The following PDE11A variants were observed in gnomAD, a reference collection of about 807,000 sequenced individuals.
PDE11A encodes phosphodiesterase 11A.
In PDE11A, 100 loss-of-function variants were observed where a neutral mutation model predicts 100.5. That is an observed-to-expected ratio of 1.00 (90% CI 0.85 to 1.18). PDE11A has a LOEUF of 1.18. Among genes scored for constraint, PDE11A ranks in the 50% most tolerant of loss-of-function variants. PDE11A has a pLI of 0.00. For missense variants in PDE11A, 1,141 were observed against 1,152.6 expected (o/e 0.99, Z 0.15); for synonymous variants, 381 against 420.8 (o/e 0.91, Z 1.16).
At chr2:178,054,590 A>G (rs1472507472) in intron 1 of PDE11A, among the ~76,000 whole-genome samples, 1 of 152,222 alleles carries the variant, frequency 6.6e-6, no homozygotes, top group Non-Finnish European at 1.5e-5. Flanking sequence ...AATTTTTACA[A>G]TCTACCCATC....
rs71410764 is a variant in PDE11A at position 177,829,610 on chromosome 2, A to AT, written c.1501-9316dup. On this transcript the variant is annotated intron_variant, in intron 6 of 19. Coordinates refer to ENST00000286063, the MANE Select transcript of PDE11A (RefSeq NM_016953.4). ...AGGCGTGTGCCACCACTCCTGGCTA[A>AT]TTTTTTTTTTTTTTTGTATTTTTAG... 2.6e-3 allele frequency among the ~76,000 whole-genome samples: 369 copies of AT among 141,936 alleles called. 5 individuals are homozygous for AT. Among genetic ancestry groups the AT allele is most frequent in the African/African-American group, 5.2e-3 (196 of 37,756 alleles). 93.1% of individuals were successfully genotyped at this position (141,936 alleles called of 152,430 possible).
chr2:177,900,383 C>G (rs1199286073), intron 3 of PDE11A, among the ~76,000 whole-genome samples: 1 of 152,228 alleles, frequency 6.6e-6, no homozygotes, highest in Non-Finnish European at 1.5e-5. Flanking sequence ...GACTAATTTT[C>G]AACTTCAATA....
At chr2:177,862,851 C>T (rs148953496) in intron 5 of PDE11A, among the ~76,000 whole-genome samples, 351 of 151,892 alleles carry the variant, frequency 2.3e-3, no homozygotes, top group African/African-American at 7.7e-3. Flanking sequence ...TTGTATAAAA[C>T]CATAAAAGAC....
chr2:177,630,376 C>G (rs926456812), intron 19 of PDE11A, among the ~76,000 whole-genome samples: 2 of 152,114 alleles, frequency 1.3e-5, no homozygotes, highest in African/African-American at 4.8e-5. Flanking sequence ...TGGGTTGCCC[C>G]TGGTAGTGGA....
intron 2 of PDE11A, among the ~76,000 whole-genome samples, chr2:177,980,614 T>C (rs1399194960): frequency 1.3e-5 from 2 of 150,818 alleles, no homozygotes; most frequent in Non-Finnish European, 3.0e-5. Flanking sequence ...TATGAAGACA[T>C]TGGTTGGATT....
Position 177,711,883 on chromosome 2 carries a change from G to A in PDE11A, c.2044-5C>T, listed in dbSNP as rs781342511. On this transcript the variant is annotated splice_polypyrimidine_tract_variant and splice_region_variant and intron_variant, in intron 12 of 19. Coordinates refer to ENST00000286063, the MANE Select transcript of PDE11A (RefSeq NM_016953.4). Reference sequence around the variant, plus strand: ...AATGTCTTGAAACCCAGCAGTCTGGGAAGAAGGGGAAAATGGCAACAGTCA... The same window carrying A: ...AATGTCTTGAAACCCAGCAGTCTGGAAAGAAGGGGAAAATGGCAACAGTCA... 2.6e-6 allele frequency: 4 copies of A among 1,535,610 alleles called. No individual in the cohort carries two copies. The highest frequency in any genetic ancestry group is 1.7e-5 in the Admixed American group (1 of 59,918).
intron 1 of PDE11A, among the ~76,000 whole-genome samples, chr2:178,039,434 A>G (rs2086656901): frequency 6.6e-6 from 1 of 152,120 alleles, no homozygotes; most frequent in African/African-American, 2.4e-5. Flanking sequence ...TGGGTACCAG[A>G]CTTAATACCT....
chr2:177,812,331 T>C (rs534854182), intron 9 of PDE11A, among the ~76,000 whole-genome samples: 1 of 152,202 alleles, frequency 6.6e-6, no homozygotes, highest in South Asian at 2.1e-4. Flanking sequence ...ACTAAACTGA[T>C]CAGGCTAATA....
intron 18 of PDE11A, among the ~76,000 whole-genome samples, chr2:177,666,236 C>T (rs2080579288): frequency 6.6e-6 from 1 of 152,212 alleles, no homozygotes; most frequent in Admixed American, 6.5e-5. Context: ...ATGTAGCATG[C>T]ATCAGCACTT....
chr2:178,038,875 C>T (rs1208586396), intron 1 of PDE11A: 3 of 152,178 alleles, frequency 2.0e-5, no homozygotes, highest in Non-Finnish European at 4.4e-5. Flanking sequence ...ACAAGAAGAA[C>T]ACTGAATAAC....
intron 4 of PDE11A, among the ~76,000 whole-genome samples, chr2:177,893,804 A>T (rs1265973462): frequency 6.6e-6 from 1 of 152,222 alleles, no homozygotes; most frequent in East Asian, 1.9e-4. Flanking sequence ...GGTCATAAGT[A>T]ATATGGAAAA....
intron 6 of PDE11A, among the ~76,000 whole-genome samples, chr2:177,837,556 C>T (rs951399247): frequency 4.0e-5 from 6 of 151,692 alleles, no homozygotes; most frequent in Admixed American, 3.3e-4. Flanking sequence ...TCACTGCAAG[C>T]TCTGCTTCCC....
intron 1 of PDE11A, among the ~76,000 whole-genome samples, chr2:178,056,211 C>G (rs1397827122): frequency 6.6e-6 from 1 of 152,088 alleles, no homozygotes; most frequent in East Asian, 1.9e-4. Flanking sequence ...TGTCCCACAT[C>G]CTTCCTGGTG....
chr2:177,857,119 T>C (rs905541314), intron 5 of PDE11A, among the ~76,000 whole-genome samples: 1 of 151,858 alleles, frequency 6.6e-6, no homozygotes, highest in African/African-American at 2.4e-5. Flanking sequence ...GATCAGAAAC[T>C]ATAAGGCTAG....
intron 1 of PDE11A, among the ~76,000 whole-genome samples, chr2:178,056,705 T>TA (rs1312539373): frequency 2.0e-5 from 3 of 152,130 alleles, no homozygotes; most frequent in Admixed American, 6.5e-5. Context: ...CACATGGAAG[T>TA]AAAAAAATAA....
chr2:177,875,125 G>T (rs1286204917), intron 5 of PDE11A, among the ~76,000 whole-genome samples: 1 of 151,990 alleles, frequency 6.6e-6, no homozygotes, highest in Non-Finnish European at 1.5e-5. Context: ...TCAGGTGGCT[G>T]AGGCAGGAGA....
chr2:177,929,966 C>G (rs2085183972), intron 2 of PDE11A, among the ~76,000 whole-genome samples: 1 of 152,180 alleles, frequency 6.6e-6, no homozygotes, highest in South Asian at 2.1e-4. Flanking sequence ...ACACTCCCTG[C>G]CAAGTAACGG....
chr2:177,865,354 G>T (rs985088870), intron 5 of PDE11A, among the ~76,000 whole-genome samples: 13 of 152,096 alleles, frequency 8.5e-5, no homozygotes, highest in Non-Finnish European at 1.6e-4. Context: ...CTAAAAGAAA[G>T]AAATAAAAAT....
chr2:177,890,264 C>T (rs191336460), intron 4 of PDE11A, among the ~76,000 whole-genome samples: 7 of 152,300 alleles, frequency 4.6e-5, no homozygotes, highest in Non-Finnish European at 8.8e-5. Context: ...CATCAACAGC[C>T]TTGTTTCCAG....
Sources: allele counts gnomAD v4.1 joint callset (sites outside exome capture counted in the v4.1 genomes callset), GRCh38; gene constraint gnomAD v4.1.1; transcripts MANE v1.5; gene names NCBI Gene and HGNC (gene_info 2026-07-23, HGNC 2026-07-21).